Variants in ZSWIM5 observed in about 807,000 individuals in gnomAD.
The protein encoded by ZSWIM5 is zinc finger SWIM domain-containing protein 5.
ZSWIM5 carries 55 observed loss-of-function variants against 119.6 expected under a neutral mutation model. The observed-to-expected ratio is 0.46, with a 90% CI of 0.37 to 0.58. The LOEUF (loss-of-function observed/expected upper bound fraction) is 0.58. ZSWIM5 is among the 20% of genes least tolerant of loss of function. The probability of loss-of-function intolerance (pLI) is 0.00; values close to 1 mark genes in which losing one functional copy is unlikely to be tolerated. For missense variants in ZSWIM5, 1,193 were observed against 1,512.8 expected, an observed-to-expected ratio of 0.79 and a Z score of 3.51; for synonymous variants, 537 against 606.9, an observed-to-expected ratio of 0.88 and a Z score of 1.69.
rs150067553 is a variant in ZSWIM5, at chr1:45,023,690, G to A, written c.2450-2902C>T. Among the ~76,000 whole-genome samples the A allele has an allele frequency of 4.3e-3, 647 of 152,076 alleles. 5 individuals are homozygous for A. Among genetic ancestry groups the A allele is most frequent in the African/African-American group, 0.015 (617 of 41,486 alleles). On this transcript the variant is annotated intron_variant, in intron 11 of 13. Transcript: ENST00000359600. Reference sequence around the variant, plus strand: ...ACATTCATGTGCAGGCTTTTGTGTCGACATGTTTTCAAATAATTTCAAATA... The same window carrying A: ...ACATTCATGTGCAGGCTTTTGTGTCAACATGTTTTCAAATAATTTCAAATA...
intron 5 of ZSWIM5, among the ~76,000 whole-genome samples, chr1:45,046,656 G>GTGTGTGTGTGTA (rs1414195365): frequency 1.3e-5 from 2 of 151,454 alleles, no homozygotes; most frequent in Non-Finnish European, 2.9e-5. Flanking sequence ...GTGTGTGTGT[G>GTGTGTGTGTGTA]TGTGTGTATA....
chr1:45,176,146 A>AT (rs1557789147), intron 1 of ZSWIM5, among the ~76,000 whole-genome samples: 3 of 148,402 alleles, frequency 2.0e-5, no homozygotes, highest in Non-Finnish European at 4.5e-5. Context: ...ATATATATAT[A>AT]ATATATATTA....
intron 1 of ZSWIM5, among the ~76,000 whole-genome samples, chr1:45,184,753 T>C (rs1168721022): frequency 2.0e-5 from 3 of 151,724 alleles, no homozygotes; most frequent in South Asian, 4.2e-4. Context: ...TAAAAGAGGA[T>C]ACAAACAAAT....
chr1:45,065,934 C>T (rs1336621820), intron 2 of ZSWIM5, among the ~76,000 whole-genome samples: 1 of 151,676 alleles, frequency 6.6e-6, no homozygotes, highest in Non-Finnish European at 1.5e-5. Context: ...TATATGTATA[C>T]ATGTGCCATG....
Position 45,206,124 on chromosome 1 carries a change from T to A in ZSWIM5, c.227A>T (p.Lys76Met). 1 of 1,611,102 alleles carries A rather than the reference T, an allele frequency of 6.2e-7. No individual in the cohort carries two copies. The highest frequency in any genetic ancestry group is 8.5e-7 in the Non-Finnish European group (1 of 1,179,186). Residue 76 changes from lysine to methionine, a missense_variant, in exon 1 of 14, where the codon AAG becomes ATG. Physicochemically the swap from Lys to Met is moderately conservative, Grantham distance 95. Coordinates refer to ENST00000359600, the MANE Select transcript of ZSWIM5 (RefSeq NM_020883.2). ...CTCCTCCACCCGTTCGTATGCCCAC[T>A]TTTCCGCCACCGTCTTGGCGGCGCA... is the stretch of plus-strand genomic sequence containing the variant. ...LDCAAKTVAE[K>M]WAYERVEERF...
intron 1 of ZSWIM5, among the ~76,000 whole-genome samples, chr1:45,123,115 A>C (rs1048610097): frequency 7.2e-5 from 11 of 152,150 alleles, no homozygotes; most frequent in African/African-American, 2.7e-4. Flanking sequence ...CTCCCTTCCT[A>C]CCTCTGCCAC....
At chr1:45,176,510 C>T (rs1434373132) in intron 1 of ZSWIM5, among the ~76,000 whole-genome samples, 1 of 152,128 alleles carries the variant, frequency 6.6e-6, no homozygotes, top group African/African-American at 2.4e-5. Flanking sequence ...GGTGATCCAC[C>T]CGCCTTGGCC....
chr1:45,111,009 T>C (rs553801381), intron 1 of ZSWIM5, among the ~76,000 whole-genome samples: 69 of 152,294 alleles, frequency 4.5e-4, no homozygotes, highest in African/African-American at 1.6e-3. Flanking sequence ...GTATACAGGA[T>C]ACTAAGATGA....
chr1:45,065,615 G>A (rs1029245575), intron 2 of ZSWIM5, among the ~76,000 whole-genome samples: 1 of 152,156 alleles, frequency 6.6e-6, no homozygotes, highest in Non-Finnish European at 1.5e-5. Context: ...CTTCAAAAGG[G>A]TTTGTTTATT....
At chr1:45,163,662 G>C (rs2149042467) in intron 1 of ZSWIM5, among the ~76,000 whole-genome samples, 1 of 152,280 alleles carries the variant, frequency 6.6e-6, no homozygotes, top group East Asian at 1.9e-4. Context: ...CATGGCACGA[G>C]AACTATGTGA....
chr1:45,123,055 C>T (rs563643339), intron 1 of ZSWIM5, among the ~76,000 whole-genome samples: 1 of 152,250 alleles, frequency 6.6e-6, no homozygotes, highest in South Asian at 2.1e-4. Flanking sequence ...CATGGAGGGG[C>T]CTGAGTGGAG....
intron 2 of ZSWIM5, among the ~76,000 whole-genome samples, chr1:45,065,439 A>G (rs1645177356): frequency 6.6e-6 from 1 of 152,198 alleles, no homozygotes; most frequent in Admixed American, 6.5e-5. Flanking sequence ...AGGGGTATGG[A>G]AAAAAGTGGA....
At chr1:45,121,602 C>CTTT (rs199811301) in intron 1 of ZSWIM5, among the ~76,000 whole-genome samples, 23 of 136,438 alleles carry the variant, frequency 1.7e-4, no homozygotes, top group African/African-American at 3.8e-4. Flanking sequence ...TTTTCTTCTT[C>CTTT]TTTTTTTTTT....
At chr1:45,135,114 G>A (rs1470481202) in intron 1 of ZSWIM5, among the ~76,000 whole-genome samples, 2 of 95,020 alleles carry the variant, frequency 2.1e-5, no homozygotes, top group East Asian at 3.4e-4. Context: ...TAGATCATAC[G>A]GTAATTCTGT....
chr1:45,096,430 CTGTT>C (rs1438346864), intron 1 of ZSWIM5, among the ~76,000 whole-genome samples: 1 of 131,984 alleles, frequency 7.6e-6, no homozygotes, highest in Non-Finnish European at 1.6e-5. Flanking sequence ...TGGTAGATAA[CTGTT>C]TGTGTGTGTG....
At chr1:45,174,958 T>C (rs1645970893) in intron 1 of ZSWIM5, among the ~76,000 whole-genome samples, 1 of 151,788 alleles carries the variant, frequency 6.6e-6, no homozygotes, top group African/African-American at 2.4e-5. Flanking sequence ...CAGAAATCAA[T>C]ACCATAACAT....
At chr1:45,046,948 TG>T (rs1645058892) in intron 5 of ZSWIM5, among the ~76,000 whole-genome samples, 1 of 143,506 alleles carries the variant, frequency 7.0e-6, no homozygotes, top group South Asian at 2.2e-4. Context: ...CGCTTGAACC[TG>T]GGAGGCAGAG....
chr1:45,019,990 G>T lies in ZSWIM5; in HGVS notation c.2695+76C>A. On this transcript the variant is annotated intron_variant, in intron 13 of 13. Transcript: ENST00000359600. This position sits in a 1 kb window ranked among gnomAD's most constrained non-coding sequence, Gnocchi z 5.0. ...TCTCATAGGAATATGAGAGCTCTAA[G>T]GATTGATTGTCCTGTCCCAAGAGTA... is the stretch of plus-strand genomic sequence containing the variant. 2 of 1,265,738 alleles carry T rather than the reference G, an allele frequency of 1.6e-6. No homozygotes were observed. The highest frequency in any genetic ancestry group is 2.3e-6 in the Non-Finnish European group (2 of 871,634). The allele number at this position is 1,265,738 out of a possible 1,614,324, so 78.4% of individuals were successfully genotyped here. A position where few individuals can be genotyped will look rare whatever the true frequency, so the allele number is the denominator to read the frequency against.
chr1:45,159,533 A>G (rs981236043), intron 1 of ZSWIM5, among the ~76,000 whole-genome samples: 4 of 152,164 alleles, frequency 2.6e-5, no homozygotes, highest in African/African-American at 7.2e-5. Flanking sequence ...TAGATTTTCT[A>G]TGACTAGTTT....
Sources: allele counts gnomAD v4.1 joint callset (sites outside exome capture counted in the v4.1 genomes callset), GRCh38; gene constraint gnomAD v4.1.1; non-coding constraint Gnocchi (gnomAD v3.1); transcripts MANE v1.5; gene names NCBI Gene and HGNC (gene_info 2026-07-23, HGNC 2026-07-21).